Variants in APBB2 observed in about 807,000 individuals in gnomAD.
APBB2 encodes the protein Fe65-like 1.
APBB2 carries 38 observed loss-of-function variants against 82.5 expected under a neutral mutation model. That is an observed-to-expected ratio of 0.46 (90% CI 0.36 to 0.60). The LOEUF (loss-of-function observed/expected upper bound fraction) is 0.60. Ranked by LOEUF, APBB2 falls within the 20% of genes least tolerant of loss-of-function variation. APBB2 has a pLI of 0.00. For synonymous variants in APBB2, 341 were observed against 368.2 expected, an observed-to-expected ratio of 0.93 and a Z score of 0.85; for missense variants, 772 against 972.3, an observed-to-expected ratio of 0.79 and a Z score of 2.74.
intron 1 of APBB2, among the ~76,000 whole-genome samples, chr4:41,206,025 C>A (rs1454402317): frequency 6.6e-6 from 1 of 152,138 alleles, no homozygotes; most frequent in Non-Finnish European, 1.5e-5. Context: ...CTACTAGATG[C>A]CAGTAGTTAT....
At chr4:40,948,360 G>C (rs1789025419) in intron 6 of APBB2, among the ~76,000 whole-genome samples, 1 of 152,180 alleles carries the variant, frequency 6.6e-6, no homozygotes, top group South Asian at 2.1e-4. Context: ...GAGGCAGACA[G>C]ACTGCTTGAG....
chr4:40,890,287 G>A, intron 12 of APBB2, 77 bp downstream of exon 12: 2 of 1,521,922 alleles, frequency 1.3e-6, no homozygotes, highest in Non-Finnish European at 8.8e-7. Flanking sequence ...GTGAAATGCT[G>A]CGAGCCCATG....
chr4:40,872,074 C>T (rs1231982758), intron 12 of APBB2, among the ~76,000 whole-genome samples: 1 of 152,246 alleles, frequency 6.6e-6, no homozygotes, highest in East Asian at 1.9e-4. Flanking sequence ...ACGCATCTTG[C>T]TTTGCCAATG....
chr4:40,822,569 T>C (rs1282917344), intron 16 of APBB2: 1 of 152,886 alleles, frequency 6.5e-6, no homozygotes, highest in Non-Finnish European at 1.5e-5. Flanking sequence ...GTTTTTTTCT[T>C]TTCTCTCTTG....
intron 1 of APBB2, among the ~76,000 whole-genome samples, chr4:41,185,626 ATTTC>A (rs901468087): frequency 2.0e-5 from 3 of 152,166 alleles, no homozygotes; most frequent in Non-Finnish European, 2.9e-5. Context: ...TCAAAATAGT[ATTTC>A]TTTCTTTCTC....
At position 40,880,885 on chromosome 4, in the gene APBB2, C is replaced by T. The variant is rs1457865856; in HGVS notation, c.1529+9479G>A. 4 of 984,850 alleles carry T rather than the reference C, an allele frequency of 4.1e-6. No individual in the cohort carries two copies. The African/African-American group carries it at 5.2e-5, about 13-fold the overall frequency. 61.0% of individuals were successfully genotyped at this position (984,850 alleles called of 1,614,324 possible). A position where few individuals can be genotyped will look rare whatever the true frequency, so the allele number is the denominator to read the frequency against. ...TTTGAGCCAGAGTTACCAAAATGGA[C>T]GAGGTATTTCTCAGGAGAAACTGTC... On this transcript the variant is annotated intron_variant, in intron 12 of 17. Coordinates refer to ENST00000508593, the MANE Select transcript of APBB2 (RefSeq NM_004307.2).
chr4:41,073,877 G>A (rs1384096134), intron 3 of APBB2, among the ~76,000 whole-genome samples: 1 of 152,178 alleles, frequency 6.6e-6, no homozygotes, highest in Non-Finnish European at 1.5e-5. Flanking sequence ...ATACAATGAA[G>A]CTAAAGTAGT....
chr4:40,934,629 G>A lies in APBB2; in HGVS notation c.1178C>T (p.Ala393Val), dbSNP rs1784965835. ...AATGTCCTACCTGAGTTTCAAAGAT[G>A]CATAGCGTAGGGTTGCTCCTTCAAA... ...KEFEGATLRY[A>V]SLKLRNAPHP... Residue 393 changes from alanine to valine, a missense_variant, in exon 9 of 18, where the codon GCA (alanine) becomes GTA (valine). Coordinates refer to ENST00000508593, the MANE Select transcript of APBB2 (RefSeq NM_004307.2). The A allele has an allele frequency of 1.2e-6, 2 of 1,613,868 alleles. No individual in the cohort carries two copies. Among genetic ancestry groups the A allele is most frequent in the Non-Finnish European group, 1.7e-6 (2 of 1,179,712 alleles).
chr4:41,116,374 T>C (rs906894965), intron 2 of APBB2, among the ~76,000 whole-genome samples: 1 of 152,064 alleles, frequency 6.6e-6, no homozygotes, highest in African/African-American at 2.4e-5. Flanking sequence ...TATGGCGGGT[T>C]GATGGGTGCA....
At chr4:41,126,281 G>A (rs1434297775) in intron 2 of APBB2, among the ~76,000 whole-genome samples, 1 of 151,964 alleles carries the variant, frequency 6.6e-6, no homozygotes, top group Non-Finnish European at 1.5e-5. Context: ...CTACTTGGGA[G>A]GCTGAAGCAG....
Position 41,214,482 on chromosome 4 carries a change from G to A in APBB2, c.-494C>T, listed in dbSNP as rs1478373925. 1 of 152,432 alleles carries A rather than the reference G, an allele frequency of 6.6e-6. No individual in the cohort carries two copies. The highest frequency in any genetic ancestry group is 1.9e-4 in the East Asian group (1 of 5,192). 9.4% of individuals were successfully genotyped at this position (152,432 alleles called of 1,614,324 possible). Reference sequence around the variant, plus strand: ...AGTCTCGCCCTTCCCGGAGCGCCCAGATCAGATGCGGTTACAGCGCACTAG... The same window carrying A: ...AGTCTCGCCCTTCCCGGAGCGCCCAAATCAGATGCGGTTACAGCGCACTAG... On this transcript the variant is annotated 5_prime_UTR_variant, in exon 1 of 18. Coordinates refer to ENST00000508593, the MANE Select transcript of APBB2 (RefSeq NM_004307.2).
intron 12 of APBB2, chr4:40,842,509 C>A: frequency 2.8e-6 from 1 of 359,958 alleles, no homozygotes; most frequent in Non-Finnish European, 5.8e-6. Context: ...AACTCTGCAG[C>A]AATTAATAGG....
intron 10 of APBB2, among the ~76,000 whole-genome samples, chr4:40,918,544 C>T (rs934663042): frequency 3.3e-5 from 5 of 152,220 alleles, no homozygotes; most frequent in Non-Finnish European, 4.4e-5. Flanking sequence ...GTGGCAATCC[C>T]CATTTTTGGC....
chr4:41,004,597 T>C (rs1429882294), intron 6 of APBB2, among the ~76,000 whole-genome samples: 2 of 151,064 alleles, frequency 1.3e-5, no homozygotes, highest in Non-Finnish European at 3.0e-5. Flanking sequence ...TCCCAGCACT[T>C]TGGGCAAGGC....
intron 5 of APBB2, among the ~76,000 whole-genome samples, chr4:41,020,283 G>T (rs1306824896): frequency 6.6e-6 from 1 of 152,122 alleles, no homozygotes; most frequent in African/African-American, 2.4e-5. Context: ...CCTAACAGGG[G>T]ATCTAAATCT....
intron 10 of APBB2, among the ~76,000 whole-genome samples, chr4:40,909,072 C>T (rs1037239091): frequency 6.6e-6 from 1 of 152,200 alleles, no homozygotes; most frequent in Admixed American, 6.5e-5. Flanking sequence ...GGGGCTGAGG[C>T]CTCTGGGCCT....
intron 10 of APBB2, among the ~76,000 whole-genome samples, chr4:40,905,398 G>C (rs1776444207): frequency 6.6e-6 from 1 of 152,226 alleles, no homozygotes; most frequent in African/African-American, 2.4e-5. Flanking sequence ...CAACGCAGTT[G>C]AGCAGCGGCC....
At chr4:41,204,092 A>C (rs1051398158) in intron 1 of APBB2, among the ~76,000 whole-genome samples, 24 of 152,350 alleles carry the variant, frequency 1.6e-4, no homozygotes, top group Non-Finnish European at 3.5e-4. Context: ...GAAAGGCGGT[A>C]AAGAACAGAC....
At chr4:41,070,608 C>T (rs760817164) in intron 3 of APBB2, among the ~76,000 whole-genome samples, 16 of 152,130 alleles carry the variant, frequency 1.1e-4, no homozygotes, top group Non-Finnish European at 2.1e-4. Flanking sequence ...GGCCTGAACA[C>T]ATTTTATATT....
Sources: gnomAD v4.1 joint callset for allele counts (sites outside exome capture counted in the v4.1 genomes callset) on GRCh38, gnomAD v4.1.1 for gene constraint, MANE v1.5 for transcripts, NCBI Gene and HGNC (gene_info 2026-07-23, HGNC 2026-07-21) for gene names.